SGCD: variants seen among roughly 807,000 people sequenced by gnomAD.
The protein encoded by SGCD is sarcoglycan delta, also known as delta-sarcoglycan.
In SGCD, 18 loss-of-function variants were observed where a neutral mutation model predicts 36.6. The observed-to-expected ratio is 0.49, with a 90% CI of 0.34 to 0.73. SGCD has a LOEUF of 0.73. Ranked by LOEUF, SGCD falls within the 30% of genes least tolerant of loss-of-function variation. The pLI is 0.01. For synonymous variants in SGCD, 133 were observed against 130.6 expected (o/e 1.02, Z -0.12); for missense variants, 387 against 346.7 (o/e 1.12, Z -0.92).
chr5:156,524,949 A>G (rs1757581808), intron 4 of SGCD, among the ~76,000 whole-genome samples: 1 of 152,098 alleles, frequency 6.6e-6, no homozygotes, highest in Non-Finnish European at 1.5e-5. Context: ...TTGTGTATAT[A>G]TACCATATTT....
the SGCD span, among the ~76,000 whole-genome samples, chr5:155,795,478 G>A: frequency 6.6e-6 from 1 of 152,030 alleles, no homozygotes; most frequent in Non-Finnish European, 1.5e-5. Flanking sequence ...AATTATTAAA[G>A]AGTGCATATT....
rs962537376 is a variant in SGCD, at chr5:156,640,756, T to A, written c.503-6708T>A. On this transcript the variant is annotated intron_variant, in intron 6 of 8. Transcript: ENST00000337851. ...AATGAATTAATTTTATCTGTACTTT[T>A]TGGATAAGAAGAATCTGTCCTGATT... 7.2e-5 allele frequency among the ~76,000 whole-genome samples: 11 copies of A among 152,354 alleles called. No homozygotes were observed. In the East Asian group the frequency reaches 1.9e-3, roughly 27 times the overall value.
chr5:156,161,737 C>T (rs1763090716), intron 3 of SGCD, among the ~76,000 whole-genome samples: 1 of 151,742 alleles, frequency 6.6e-6, no homozygotes, highest in Non-Finnish European at 1.5e-5. Flanking sequence ...ACATTTTCCT[C>T]ATCTTTCCTT....
At chr5:156,730,817 C>G (rs1289790299) in intron 7 of SGCD, among the ~76,000 whole-genome samples, 1 of 152,136 alleles carries the variant, frequency 6.6e-6, no homozygotes, top group Non-Finnish European at 1.5e-5. Flanking sequence ...TAAGGAATTG[C>G]CGCACTGTCT....
intron 3 of SGCD, among the ~76,000 whole-genome samples, chr5:156,145,770 G>C (rs990422070): frequency 2.6e-5 from 4 of 152,108 alleles, no homozygotes; most frequent in Non-Finnish European, 2.9e-5. Flanking sequence ...AAGTGAAAAA[G>C]CATGCATGTG....
the SGCD span, among the ~76,000 whole-genome samples, chr5:155,753,032 C>T: frequency 3.9e-5 from 6 of 152,002 alleles, no homozygotes; most frequent in Admixed American, 3.3e-4. Flanking sequence ...TGTGGTTGCT[C>T]TGGTTACAAG....
intron 3 of SGCD, among the ~76,000 whole-genome samples, chr5:156,212,995 A>T (rs1764483835): frequency 6.6e-6 from 1 of 152,074 alleles, no homozygotes. Context: ...GGACATAGAA[A>T]ATGCCAATTT....
the SGCD span, among the ~76,000 whole-genome samples, chr5:155,761,828 TTCTCCATCATCC>T: frequency 5.4e-3 from 806 of 150,606 alleles, 6 homozygotes; most frequent in African/African-American, 0.019. Context: ...TTCCATCACC[TTCTCCATCATCC>T]TCTCCATCAT....
At chr5:155,936,344 C>A (rs1460177990) in intron 1 of SGCD, among the ~76,000 whole-genome samples, 2 of 152,118 alleles carry the variant, frequency 1.3e-5, no homozygotes, top group Non-Finnish European at 2.9e-5. Flanking sequence ...GATAGAACAG[C>A]TCAGGGGCGA....
intron 3 of SGCD, among the ~76,000 whole-genome samples, chr5:156,473,751 G>A (rs770546599): frequency 1.3e-5 from 2 of 152,130 alleles, no homozygotes; most frequent in African/African-American, 2.4e-5. Flanking sequence ...TGATTCATTC[G>A]ATTTGGCATT....
At chr5:156,416,027 G>C (rs921581497) in intron 3 of SGCD, among the ~76,000 whole-genome samples, 2 of 152,136 alleles carry the variant, frequency 1.3e-5, no homozygotes, top group Admixed American at 1.3e-4. Context: ...TTATTCCACT[G>C]TCTTTCCACA....
intron 1 of SGCD, among the ~76,000 whole-genome samples, chr5:156,033,754 A>G (rs1490998932): frequency 6.6e-6 from 1 of 152,204 alleles, no homozygotes; most frequent in Non-Finnish European, 1.5e-5. Context: ...ACTATGTGCA[A>G]TGAATGTCCT....
At chr5:156,586,020 T>G (rs1760477176) in intron 4 of SGCD, among the ~76,000 whole-genome samples, 1 of 151,920 alleles carries the variant, frequency 6.6e-6, no homozygotes, top group Admixed American at 6.6e-5. Context: ...TAATGATACA[T>G]TATTATTAAC....
the SGCD span, among the ~76,000 whole-genome samples, chr5:155,782,755 A>G: frequency 1.3e-5 from 2 of 152,192 alleles, no homozygotes; most frequent in East Asian, 1.9e-4. Context: ...AGGAGCATGA[A>G]CCCTATTGTG....
intron 3 of SGCD, among the ~76,000 whole-genome samples, chr5:156,450,871 TTAAGG>T (rs1753978425): frequency 6.6e-6 from 1 of 152,096 alleles, no homozygotes; most frequent in East Asian, 1.9e-4. Context: ...TCTTTTTATA[TTAAGG>T]TAATATAGAC....
intron 3 of SGCD, among the ~76,000 whole-genome samples, chr5:156,394,136 G>T (rs1771730423): frequency 6.6e-6 from 1 of 152,226 alleles, no homozygotes; most frequent in African/African-American, 2.4e-5. Flanking sequence ...GTAGGTGGAG[G>T]ATAACCTTGG....
At chr5:156,230,605 G>T (rs547684264) in intron 3 of SGCD, among the ~76,000 whole-genome samples, 2 of 152,196 alleles carry the variant, frequency 1.3e-5, no homozygotes, top group Non-Finnish European at 2.9e-5. Flanking sequence ...GGAGCAGTCC[G>T]CTTCCTTCAA....
At chr5:156,206,834 C>T (rs1764293369) in intron 3 of SGCD, among the ~76,000 whole-genome samples, 1 of 151,756 alleles carries the variant, frequency 6.6e-6, no homozygotes, top group Admixed American at 6.6e-5. Flanking sequence ...AATTTTTTTA[C>T]ATGAAAATGC....
chr5:156,270,986 A>G (rs778924497), intron 3 of SGCD, among the ~76,000 whole-genome samples: 11 of 152,224 alleles, frequency 7.2e-5, no homozygotes, highest in Non-Finnish European at 1.3e-4. Flanking sequence ...AGGGAAGTGT[A>G]AATGGCAAAA....
Sources: allele counts gnomAD v4.1 joint callset (sites outside exome capture counted in the v4.1 genomes callset), GRCh38; gene constraint gnomAD v4.1.1; transcripts MANE v1.5; gene names NCBI Gene and HGNC (gene_info 2026-07-23, HGNC 2026-07-21).